Variants in EXOC4 observed in about 807,000 individuals in gnomAD.
The protein encoded by EXOC4 is SEC8-like 1.
EXOC4 carries 71 observed loss-of-function variants against 107.2 expected under a neutral mutation model. That is an observed-to-expected ratio of 0.66 (90% confidence interval 0.55 to 0.81). The LOEUF (loss-of-function observed/expected upper bound fraction) is 0.81. Among genes scored for constraint, EXOC4 ranks in the 30% least tolerant of loss-of-function variants. EXOC4 has a pLI of 0.00. For synonymous variants in EXOC4, 456 were observed against 441.2 expected (o/e 1.03, Z -0.42); for missense variants, 1,108 against 1,189.6 (o/e 0.93, Z 1.01).
chr7:133,944,452 G>A (rs912070796), intron 14 of EXOC4, among the ~76,000 whole-genome samples: 2 of 152,130 alleles, frequency 1.3e-5, no homozygotes, highest in Admixed American at 6.5e-5. Context: ...GAAAACTACA[G>A]AGGGGAGGTA....
intron 10 of EXOC4, among the ~76,000 whole-genome samples, chr7:133,676,957 A>ATG (rs796707378): frequency 6.7e-5 from 9 of 135,298 alleles, no homozygotes; most frequent in African/African-American, 1.1e-4. Context: ...GTGTGTGTGT[A>ATG]TGTGTGTGTG....
intron 10 of EXOC4, among the ~76,000 whole-genome samples, chr7:133,797,354 CA>C (rs1469867826): frequency 2.0e-5 from 3 of 150,130 alleles, no homozygotes; most frequent in Non-Finnish European, 4.4e-5. Flanking sequence ...GATGATAATT[CA>C]AAAAAAAATT....
chr7:133,971,361 T>TAGAGAGAGAGAG (rs1186165891), intron 14 of EXOC4, among the ~76,000 whole-genome samples: 4 of 75,070 alleles, frequency 5.3e-5, no homozygotes, highest in East Asian at 4.7e-4. Flanking sequence ...TATATATATA[T>TAGAGAGAGAGAG]AGAGAGAGAG....
At chr7:133,555,605 G>A (rs1016226395) in intron 9 of EXOC4, among the ~76,000 whole-genome samples, 1 of 152,066 alleles carries the variant, frequency 6.6e-6, no homozygotes, top group South Asian at 2.1e-4. Context: ...CAAAATAATG[G>A]CAGTAGTGGT....
intron 10 of EXOC4, among the ~76,000 whole-genome samples, chr7:133,657,349 T>C (rs1463787728): frequency 2.0e-5 from 3 of 152,188 alleles, no homozygotes; most frequent in Non-Finnish European, 4.4e-5. Context: ...TTTTTTAGCA[T>C]GGATGTTAAA....
At position 133,361,984 on chromosome 7, in the gene EXOC4, A is replaced by G. The variant is rs370257778; in HGVS notation, c.1007+5411A>G. 4.6e-5 allele frequency among the ~76,000 whole-genome samples: 7 copies of G among 152,136 alleles called. 1 individual carries two copies. In the East Asian group the frequency reaches 1.2e-3, roughly 25 times the overall value. Reference sequence around the variant, plus strand: ...CTTTTCAATGAATTATTTTTCTAACATGTTTGTCTCATTGATTTGTAGGAA... The same window carrying G: ...CTTTTCAATGAATTATTTTTCTAACGTGTTTGTCTCATTGATTTGTAGGAA... On this transcript the variant is annotated intron_variant, in intron 6 of 17. Coordinates refer to ENST00000253861, the MANE Select transcript of EXOC4 (RefSeq NM_021807.4).
intron 1 of EXOC4, among the ~76,000 whole-genome samples, chr7:133,269,269 G>T (rs574898600): frequency 1.2e-4 from 19 of 152,298 alleles, no homozygotes; most frequent in African/African-American, 3.1e-4. Flanking sequence ...CAGCTCAGGA[G>T]TTGAAGGCAG....
chr7:133,538,855 GAA>G (rs71188901), intron 9 of EXOC4, among the ~76,000 whole-genome samples: 20,284 of 60,034 alleles, frequency 0.34, 1,705 homozygotes, highest in South Asian at 0.43. Flanking sequence ...AAGAAAGAAA[GAA>G]AGAGAGAGAG....
intron 17 of EXOC4, among the ~76,000 whole-genome samples, chr7:134,036,599 A>G (rs183800653): frequency 6.6e-6 from 1 of 152,332 alleles, no homozygotes; most frequent in African/African-American, 2.4e-5. Context: ...AAAGAAAAAA[A>G]AGAGAGAGAA....
intron 11 of EXOC4, among the ~76,000 whole-genome samples, chr7:133,869,508 G>T (rs866625703): frequency 6.6e-6 from 1 of 152,118 alleles, no homozygotes; most frequent in Non-Finnish European, 1.5e-5. Context: ...ATAAAAATTA[G>T]TCTCCTGCCC....
At chr7:133,382,090 A>C (rs771232330) in intron 7 of EXOC4, among the ~76,000 whole-genome samples, 13 of 152,126 alleles carry the variant, frequency 8.5e-5, no homozygotes, top group Non-Finnish European at 1.9e-4. Flanking sequence ...TTAATGTGGT[A>C]GCAATGAAAA....
chr7:133,860,928 C>T (rs1798520834), intron 11 of EXOC4, among the ~76,000 whole-genome samples: 1 of 152,292 alleles, frequency 6.6e-6, no homozygotes, highest in African/African-American at 2.4e-5. Context: ...CAGCTGCTTC[C>T]TTTCCCCTCA....
At chr7:133,880,422 G>A (rs1265558183) in intron 11 of EXOC4, among the ~76,000 whole-genome samples, 1 of 152,158 alleles carries the variant, frequency 6.6e-6, no homozygotes, top group Non-Finnish European at 1.5e-5. Context: ...AAAGGAGGGT[G>A]TTGGGGATAT....
intron 7 of EXOC4, among the ~76,000 whole-genome samples, chr7:133,436,046 G>GTT (rs1375640968): frequency 1.3e-5 from 1 of 74,618 alleles, no homozygotes; most frequent in Non-Finnish European, 2.8e-5. Flanking sequence ...AATTATCTCA[G>GTT]TGTTTTTTTT....
At chr7:133,949,160 G>C (rs1458847602) in intron 14 of EXOC4, among the ~76,000 whole-genome samples, 1 of 152,132 alleles carries the variant, frequency 6.6e-6, no homozygotes, top group African/African-American at 2.4e-5. Context: ...CCCAAATTTG[G>C]TAGTCATGCA....
At chr7:133,876,866 C>T (rs190603885) in intron 11 of EXOC4, among the ~76,000 whole-genome samples, 2 of 151,698 alleles carry the variant, frequency 1.3e-5, no homozygotes, top group African/African-American at 2.4e-5. Flanking sequence ...TTCTACTTAT[C>T]GATGATTTTC....
intron 4 of EXOC4, among the ~76,000 whole-genome samples, chr7:133,314,141 A>G (rs1311310692): frequency 6.6e-6 from 1 of 152,006 alleles, no homozygotes; most frequent in African/African-American, 2.4e-5. Context: ...TTTATCTCTG[A>G]TATGTGGTGA....
downstream of EXOC4, chr7:134,066,461 A>G (rs1796179265): frequency 6.6e-6 from 1 of 152,194 alleles, no homozygotes; most frequent in South Asian, 2.1e-4. Flanking sequence ...GGAAAGTGAA[A>G]TCTCTGCTTT....
intron 11 of EXOC4, among the ~76,000 whole-genome samples, chr7:133,831,362 G>C (rs1009905816): frequency 1.3e-5 from 2 of 152,118 alleles, no homozygotes; most frequent in Admixed American, 6.6e-5. Context: ...GATTTAGAAT[G>C]CTTCTACATG....
Sources: gnomAD v4.1 joint callset for allele counts (sites outside exome capture counted in the v4.1 genomes callset) on GRCh38, gnomAD v4.1.1 for gene constraint, MANE v1.5 for transcripts, NCBI Gene and HGNC (gene_info 2026-07-23, HGNC 2026-07-21) for gene names.